The following TENT5D variants were observed in gnomAD, a reference collection of about 807,000 sequenced individuals.
The protein encoded by TENT5D is cancer/testis antigen 112.
For synonymous variants in TENT5D, 103 were observed against 100.6 expected (o/e 1.02, Z -0.15); for missense variants, 191 against 287.0 (o/e 0.67, Z 2.42).
At chrX:80,434,237 A>T (rs1328935527) in intron 1 of TENT5D, among the ~76,000 whole-genome samples, 1 of 109,901 alleles carries the variant, frequency 9.1e-6, no homozygotes, top group African/African-American at 3.3e-5. Context: ...ATCAGGATAT[A>T]AATAGCACTA....
At chrX:80,432,635 G>A (rs891775382) in intron 1 of TENT5D, among the ~76,000 whole-genome samples, 4 of 111,900 alleles carry the variant, frequency 3.6e-5, no homozygotes, top group African/African-American at 1.3e-4. Context: ...AACAAAATAT[G>A]TTGTATTTTT....
At chrX:80,360,601 A>C (rs763300686) in intron 3 of TENT5D, among the ~76,000 whole-genome samples, 16 of 111,813 alleles carry the variant, frequency 1.4e-4, no homozygotes, top group Non-Finnish European at 2.8e-4. Context: ...TTTGGTCTTA[A>C]GAGGTTACTA....
chrX:80,371,651 C>T (rs1489959485), intron 3 of TENT5D, among the ~76,000 whole-genome samples: 1 of 112,146 alleles, frequency 8.9e-6, no homozygotes, highest in Non-Finnish European at 1.9e-5. Flanking sequence ...TTCCTTAAAC[C>T]TCATGAACCA....
At chrX:80,362,130 G>A (rs1039061756) in intron 3 of TENT5D, among the ~76,000 whole-genome samples, 5 of 110,873 alleles carry the variant, frequency 4.5e-5, no homozygotes, top group Non-Finnish European at 7.5e-5. Flanking sequence ...ATGGCCTCCA[G>A]CTGCATCCAT....
intron 3 of TENT5D, among the ~76,000 whole-genome samples, chrX:80,380,396 G>C (rs929821246): frequency 1.3e-4 from 14 of 111,044 alleles, no homozygotes; most frequent in Non-Finnish European, 1.9e-4. Context: ...GTCAGTTTTG[G>C]AATAAGTGTG....
At chrX:80,435,424 C>T (rs930283597) in intron 1 of TENT5D, among the ~76,000 whole-genome samples, 7 of 111,887 alleles carry the variant, frequency 6.3e-5, no homozygotes, top group African/African-American at 2.3e-4. Flanking sequence ...ACATGTAAAA[C>T]CGTTTTCATT....
chrX:80,405,289 C>A (rs1931461916), intron 3 of TENT5D, among the ~76,000 whole-genome samples: 1 of 112,545 alleles, frequency 8.9e-6, no homozygotes, highest in Non-Finnish European at 1.9e-5. Context: ...GTCTACAGCT[C>A]CCAGTGTGAG....
chrX:80,357,296 C>T, intron 3 of TENT5D, among the ~76,000 whole-genome samples: 1 of 109,845 alleles, frequency 9.1e-6, no homozygotes, highest in Non-Finnish European at 1.9e-5. Context: ...ATGGCTGGGT[C>T]AAATGGTATT....
intron 3 of TENT5D, among the ~76,000 whole-genome samples, chrX:80,403,278 T>C (rs1931423896): frequency 8.9e-6 from 1 of 112,114 alleles, no homozygotes; most frequent in Non-Finnish European, 1.9e-5. Flanking sequence ...TTTCTTAAGG[T>C]TTAAAAAAAT....
intron 3 of TENT5D, among the ~76,000 whole-genome samples, chrX:80,352,511 C>A (rs746994572): frequency 9.1e-5 from 10 of 110,052 alleles, no homozygotes; most frequent in African/African-American, 2.3e-4. Context: ...GCCTTCCCCC[C>A]ACCAAGCTCC....
At chrX:80,406,937 G>C (rs1293066760) in intron 3 of TENT5D, among the ~76,000 whole-genome samples, 2 of 104,370 alleles carry the variant, frequency 1.9e-5, no homozygotes, top group Non-Finnish European at 3.9e-5. Context: ...GAGAGTGGCG[G>C]CCAATATTCA....
intron 3 of TENT5D, among the ~76,000 whole-genome samples, chrX:80,377,086 G>GATA (rs1436640245): frequency 2.7e-5 from 3 of 110,874 alleles, no homozygotes; most frequent in Non-Finnish European, 5.7e-5. Context: ...CATCCTTGCA[G>GATA]ATAATAATCT....
At chrX:80,382,704 G>GCC (rs3086273) in intron 3 of TENT5D, among the ~76,000 whole-genome samples, 13,956 of 99,017 alleles carry the variant, frequency 0.14, 1,165 homozygotes, top group East Asian at 0.51. Context: ...AATGGCGGAC[G>GCC]CCCCCCCCCC....
chrX:80,407,099 A>G (rs1931515679), intron 3 of TENT5D, among the ~76,000 whole-genome samples: 1 of 109,422 alleles, frequency 9.1e-6, no homozygotes, highest in South Asian at 4.1e-4. Flanking sequence ...TCTTGAAGGA[A>G]GCACTAAACA....
At chrX:80,438,779 T>G (rs1932229745) in intron 2 of TENT5D, 47 bp downstream of exon 2, 1 of 110,822 alleles carries the variant, frequency 9.0e-6, no homozygotes, top group Non-Finnish European at 1.9e-5. Flanking sequence ...ATAGTTCTAA[T>G]ATTAATATAG....
chrX:80,376,188 C>G (rs1930723116), intron 3 of TENT5D, among the ~76,000 whole-genome samples: 1 of 110,514 alleles, frequency 9.0e-6, no homozygotes, highest in African/African-American at 3.3e-5. Context: ...TAATTTTCCT[C>G]TGTTTAAAGA....
At chrX:80,368,678 G>A (rs1034379874) in intron 3 of TENT5D, among the ~76,000 whole-genome samples, 6 of 112,096 alleles carry the variant, frequency 5.4e-5, no homozygotes, top group African/African-American at 1.9e-4. Flanking sequence ...TTGGCAACAA[G>A]AATTGACTGT....
chrX:80,396,653 A>G (rs1931249468), intron 3 of TENT5D, among the ~76,000 whole-genome samples: 1 of 107,770 alleles, frequency 9.3e-6, no homozygotes, highest in Non-Finnish European at 1.9e-5. Flanking sequence ...AACAAAACGA[A>G]AAGTCTCCCA....
chrX:80,421,479 G>A (rs780465852), intron 1 of TENT5D, among the ~76,000 whole-genome samples: 15 of 112,151 alleles, frequency 1.3e-4, no homozygotes, highest in Middle Eastern at 4.6e-3. Context: ...GAGCCACCGT[G>A]CCTGGCCTCA....
Sources: gnomAD v4.1 joint callset for allele counts (sites outside exome capture counted in the v4.1 genomes callset) on GRCh38, gnomAD v4.1.1 for gene constraint, MANE v1.5 for transcripts, NCBI Gene and HGNC (gene_info 2026-07-23, HGNC 2026-07-21) for gene names.